WDR7: variants seen among roughly 807,000 people sequenced by gnomAD.
The protein encoded by WDR7 is WD repeat domain 7.
Under a neutral mutation model 169.4 loss-of-function variants are expected in WDR7, and 46 were observed. That is an observed-to-expected ratio of 0.27 (90% CI 0.21 to 0.35). WDR7 has a LOEUF of 0.35. Among genes scored for constraint, WDR7 ranks in the 10% least tolerant of loss-of-function variants. The pLI, the probability that WDR7 is intolerant of heterozygous loss-of-function variation, is 1.00. For missense variants in WDR7, 1,534 were observed against 1,859.3 expected (o/e 0.83, Z 3.22); for synonymous variants, 612 against 666.8 (o/e 0.92, Z 1.27).
chr18:56,705,133 C>G (rs2025919770), intron 12 of WDR7, among the ~76,000 whole-genome samples: 1 of 152,044 alleles, frequency 6.6e-6, no homozygotes, highest in Non-Finnish European at 1.5e-5. Context: ...ATGCACTGCT[C>G]TCTATATTTT....
At chr18:56,703,298 AT>A (rs2025872960) in intron 12 of WDR7, among the ~76,000 whole-genome samples, 1 of 152,226 alleles carries the variant, frequency 6.6e-6, no homozygotes, top group African/African-American at 2.4e-5. Flanking sequence ...CAATTGACAA[AT>A]TAGATATTCT....
intron 1 of WDR7, among the ~76,000 whole-genome samples, chr18:56,666,913 A>G (rs1261121186): frequency 2.0e-5 from 3 of 149,198 alleles, no homozygotes; most frequent in African/African-American, 7.4e-5. Flanking sequence ...TTTTTTGTCA[A>G]TTACAAAAGC....
At chr18:56,870,846 A>G (rs1399539222) in intron 20 of WDR7, among the ~76,000 whole-genome samples, 1 of 152,226 alleles carries the variant, frequency 6.6e-6, no homozygotes, top group African/African-American at 2.4e-5. Context: ...ACATCTAAAG[A>G]CAATTTGAAT....
intron 21 of WDR7, among the ~76,000 whole-genome samples, chr18:56,880,686 G>A (rs1431374745): frequency 2.0e-5 from 3 of 152,134 alleles, no homozygotes; most frequent in Admixed American, 6.5e-5. Context: ...ATGAAAAAGA[G>A]CATACATGAT....
At chr18:56,892,194 A>G (rs2046272925) in intron 21 of WDR7, among the ~76,000 whole-genome samples, 1 of 152,116 alleles carries the variant, frequency 6.6e-6, no homozygotes, top group Non-Finnish European at 1.5e-5. Context: ...GGCCATTTCC[A>G]TCTGAAATTA....
chr18:56,895,917 T>C (rs888789780), intron 21 of WDR7, among the ~76,000 whole-genome samples: 4 of 151,786 alleles, frequency 2.6e-5, no homozygotes, highest in African/African-American at 9.7e-5. Flanking sequence ...GGCCAAATTA[T>C]TCTAAAATGA....
chr18:56,674,285 C>T (rs538882686), intron 2 of WDR7, among the ~76,000 whole-genome samples: 257 of 152,318 alleles, frequency 1.7e-3, no homozygotes, highest in Middle Eastern at 0.01. Context: ...TTTTCCACAT[C>T]CTTGTCAATC....
chr18:56,679,178 GC>G (rs1382212645), intron 2 of WDR7, among the ~76,000 whole-genome samples, 153 bp from the exon 3 acceptor site: 4 of 152,180 alleles, frequency 2.6e-5, no homozygotes, highest in Non-Finnish European at 4.4e-5. Context: ...GTTCTCCCAG[GC>G]GGCTCCAGCA....
intron 21 of WDR7, among the ~76,000 whole-genome samples, chr18:56,907,908 A>G (rs534131669): frequency 2.0e-5 from 3 of 152,292 alleles, no homozygotes; most frequent in East Asian, 1.9e-4. Flanking sequence ...GGAGGCTACA[A>G]ACATGCAGAA....
At chr18:56,937,428 C>T (rs2046975525) in intron 23 of WDR7, among the ~76,000 whole-genome samples, 1 of 151,846 alleles carries the variant, frequency 6.6e-6, no homozygotes, top group Non-Finnish European at 1.5e-5. Context: ...ACAAGTTTTC[C>T]ACTTCATTGT....
chr18:56,658,413 G>A (rs770832197), intron 1 of WDR7, among the ~76,000 whole-genome samples: 1 of 152,078 alleles, frequency 6.6e-6, no homozygotes, highest in Non-Finnish European at 1.5e-5. Context: ...GGAAATACAT[G>A]ACTTTGAAAA....
chr18:56,870,679 G>A (rs374509343), intron 20 of WDR7, among the ~76,000 whole-genome samples: 32 of 152,178 alleles, frequency 2.1e-4, no homozygotes, highest in African/African-American at 7.5e-4. Context: ...TTAGAGATGG[G>A]GTCTTGCTCT....
intron 13 of WDR7, among the ~76,000 whole-genome samples, chr18:56,725,881 A>G (rs1031164204): frequency 2.0e-5 from 3 of 152,206 alleles, no homozygotes; most frequent in Non-Finnish European, 4.4e-5. Context: ...ATGGCTAGCC[A>G]GTTTTCCCAG....
intron 25 of WDR7, among the ~76,000 whole-genome samples, chr18:56,944,846 C>T (rs916442481): frequency 1.3e-5 from 2 of 151,962 alleles, no homozygotes; most frequent in Non-Finnish European, 2.9e-5. Flanking sequence ...GTTTTCAAAC[C>T]TATTAATTCA....
At chr18:56,674,679 GTTCAGTTTATC>G (rs1038959746) in intron 2 of WDR7, among the ~76,000 whole-genome samples, 1 of 27,756 alleles carries the variant, frequency 3.6e-5, no homozygotes, top group African/African-American at 4.8e-5. Context: ...GTTTGATAAA[GTTCAGTTTATC>G]TTTTTCCTTT....
chr18:56,733,844 C>T lies in WDR7; in HGVS notation c.1989+2247C>T, dbSNP rs546505515. Among the ~76,000 whole-genome samples the T allele has an allele frequency of 3.9e-5, 6 of 152,108 alleles. No individual in the cohort carries two copies. The South Asian group carries it at 1.2e-3, about 32-fold the overall frequency. On this transcript the variant is annotated intron_variant, in intron 14 of 27. Transcript: ENST00000254442. ...TAACTTATATATTTATCTAATTCTC[C>T]CTACTGAAATTCAGTCTTTTTGAGA...
At chr18:56,863,345 G>T (rs2045835833) in intron 20 of WDR7, among the ~76,000 whole-genome samples, 1 of 151,670 alleles carries the variant, frequency 6.6e-6, no homozygotes, top group South Asian at 2.1e-4. Context: ...TACAAATATT[G>T]ATTCTGTAGT....
At chr18:56,920,002 A>T (rs752028743) in intron 21 of WDR7, among the ~76,000 whole-genome samples, 48 of 152,292 alleles carry the variant, frequency 3.2e-4, no homozygotes, top group Non-Finnish European at 5.6e-4. Flanking sequence ...CTGGAGCTGT[A>T]ATAACCTGTC....
chr18:57,016,553 C>G (rs2048210229), intron 26 of WDR7, among the ~76,000 whole-genome samples: 1 of 152,158 alleles, frequency 6.6e-6, no homozygotes. Flanking sequence ...GCTGACAAAC[C>G]ATGTGAGAGC....
Sources: allele counts gnomAD v4.1 joint callset (sites outside exome capture counted in the v4.1 genomes callset), GRCh38; gene constraint gnomAD v4.1.1; transcripts MANE v1.5; gene names NCBI Gene and HGNC (gene_info 2026-07-23, HGNC 2026-07-21).